The following ZFHX2 variants were observed in gnomAD, a reference collection of about 807,000 sequenced individuals.
ZFHX2 encodes zinc finger homeobox 2, also known as zinc finger homeobox protein 2.
ZFHX2 carries 75 observed loss-of-function variants against 164.8 expected under a neutral mutation model. That is an observed-to-expected ratio of 0.46 (90% CI 0.38 to 0.55). ZFHX2 has a LOEUF of 0.55. ZFHX2 is among the 20% of genes least tolerant of loss of function. ZFHX2 has a pLI of 0.00. For synonymous variants in ZFHX2, 1,217 were observed against 1,351.4 expected (o/e 0.90, Z 2.18); for missense variants, 2,933 against 3,308.0 (o/e 0.89, Z 2.78).
In ZFHX2 at chr14:23,534,824, C is replaced by T. The variant is rs1296796377; in HGVS notation, c.502G>A (p.Ala168Thr). 6.5e-7 allele frequency: 1 copy of T among 1,536,090 alleles called. No individual in the cohort carries two copies. Among genetic ancestry groups the T allele is most frequent in the South Asian group, 1.2e-5 (1 of 84,052 alleles). ...TCAAAGCCATGTTGGATGTGAAGGGCAGTGAGGTGTGAGGGGGGTGGGTAG... is the reference window on the plus strand; with the variant it reads ...TCAAAGCCATGTTGGATGTGAAGGGTAGTGAGGTGTGAGGGGGGTGGGTAG... ...LAYPPPSHLT[A>T]LHIQHGFDPI... The change falls in exon 2 of 10, where the codon GCC (alanine) becomes ACC (threonine). Residue 168 changes from alanine (A) to threonine (T), a missense_variant. Coordinates refer to ENST00000419474, the MANE Select transcript of ZFHX2 (RefSeq NM_033400.3). The surrounding 1 kb of genome is among the most constrained non-coding windows in gnomAD (Gnocchi z 4.5).
At position 23,527,637 on chromosome 14, in the gene ZFHX2, C is replaced by G. The variant is rs1393137401; in HGVS notation, c.3102G>C (p.Val1034=). 1.3e-6 allele frequency: 2 copies of G among 1,536,512 alleles called. No homozygotes were observed. The highest frequency in any genetic ancestry group is 1.7e-6 in the Non-Finnish European group (2 of 1,146,972). The change falls in exon 7 of 10, where the codon GTG becomes GTC. Residue 1034 remains valine, a synonymous_variant. Transcript: ENST00000419474. ...LHFHLSHLHN[V]VPECVEKLLL... is the part of the protein sequence containing the mutation. ...GCAGCTTCTCAACGCACTCGGGCAC[C>G]ACGTTGTGAAGGTGGCTAAGGTGGA... is the stretch of plus-strand genomic sequence containing the variant.
rs1031763980 is a variant in ZFHX2 at position 23,535,546 on chromosome 14, C to A, written c.-49-172G>T. On this transcript the variant is annotated intron_variant, in intron 1 of 9. Coordinates refer to ENST00000419474, the MANE Select transcript of ZFHX2 (RefSeq NM_033400.3). This position sits in a 1 kb window ranked among gnomAD's most constrained non-coding sequence, Gnocchi z 4.5. ...TAACATGCTTCAAAACTTAATATGT[C>A]CAACATCAGAACTCTTCATTTTATT... is the stretch of plus-strand genomic sequence containing the variant. Among the ~76,000 whole-genome samples, 1 of 152,048 alleles carries A rather than the reference C, an allele frequency of 6.6e-6. No homozygotes were observed. Among genetic ancestry groups the A allele is most frequent in the African/African-American group, 2.4e-5 (1 of 41,404 alleles).
Position 23,533,060 on chromosome 14 carries a change from G to A in ZFHX2, c.2066C>T (p.Ala689Val). 1.3e-6 allele frequency: 2 copies of A among 1,532,484 alleles called. No individual in the cohort carries two copies. Among genetic ancestry groups the A allele is most frequent in the Non-Finnish European group, 1.7e-6 (2 of 1,144,544 alleles). 94.9% of individuals were successfully genotyped at this position (1,532,484 alleles called of 1,614,324 possible). ...CAGGAGCTGACTTGGAGGCAGGTGGGCATCAGGGGATAGGCTTCCAGGGGC... is the reference window on the plus strand; with the variant it reads ...CAGGAGCTGACTTGGAGGCAGGTGGACATCAGGGGATAGGCTTCCAGGGGC... ...TSAPGSLSPD[A>V]HLPPSQLLGS... Residue 689 changes from alanine (A) to valine (V), a missense_variant, in exon 3 of 10, where the codon GCC (alanine) becomes GTC (valine). By Grantham distance (64) the Ala-to-Val change is moderately conservative (BLOSUM62 0). Coordinates refer to ENST00000419474, the MANE Select transcript of ZFHX2 (RefSeq NM_033400.3). This position sits in a 1 kb window ranked among gnomAD's most constrained non-coding sequence, Gnocchi z 4.8.
rs1297424152 is a variant in ZFHX2 at position 23,534,375 on chromosome 14, A to G, written c.951T>C (p.Asn317=). The G allele has an allele frequency of 6.5e-7, 1 of 1,536,776 alleles. No homozygotes were observed. The highest frequency in any genetic ancestry group is 8.7e-7 in the Non-Finnish European group (1 of 1,147,012). Residue 317 remains asparagine, a synonymous_variant, in exon 2 of 10, where the codon AAT becomes AAC. Transcript: ENST00000419474. The surrounding 1 kb of genome is among the most constrained non-coding windows in gnomAD (Gnocchi z 4.5). ...DNSSTVNMEA[N]VAQTEDGPPE... ...GGGGGCCATCCTCTGTCTGGGCCACATTCGCCTCCATGTTCACTGTGCTGC... is the reference window on the plus strand; with the variant it reads ...GGGGGCCATCCTCTGTCTGGGCCACGTTCGCCTCCATGTTCACTGTGCTGC...
At chr14:23,555,585 C>G (rs1009538184), upstream of ZFHX2, 3 of 152,224 alleles carry the variant, frequency 2.0e-5, no homozygotes, top group Non-Finnish European at 4.4e-5. Flanking sequence ...CTCACCCACT[C>G]TTACCCTCAA....
chr14:23,527,706 G>A lies in ZFHX2; in HGVS notation c.3033C>T (p.Cys1011=). The A allele has an allele frequency of 6.5e-7, 1 of 1,536,218 alleles. No individual in the cohort carries two copies. Among genetic ancestry groups the A allele is most frequent in the South Asian group, 1.2e-5 (1 of 84,068 alleles). Reference sequence around the variant, plus strand: ...CCACCAGCTGTTCCTGGCACAGTGGGCATCTGTACTTGGGCTGCACTGCAT... The same window carrying A: ...CCACCAGCTGTTCCTGGCACAGTGGACATCTGTACTTGGGCTGCACTGCAT... The part of the protein sequence containing the change: ...SQHAVQPKYR[C]PLCQEQLVGR... Residue 1011 remains cysteine, a synonymous_variant, in exon 7 of 10, where the codon TGC becomes TGT. Transcript: ENST00000419474.
At position 23,533,203 on chromosome 14, in the gene ZFHX2, G is replaced by C; in HGVS notation, c.2041+82C>G. On this transcript the variant is annotated intron_variant, in intron 2 of 9. Transcript: ENST00000419474. The surrounding 1 kb of genome is among the most constrained non-coding windows in gnomAD (Gnocchi z 4.8). ...CAGAGGGACTTATGGTTACCTAAGTGGGGAGTTGGTCCTTGGGAGAAAGCA... is the reference window on the plus strand; with the variant it reads ...CAGAGGGACTTATGGTTACCTAAGTCGGGAGTTGGTCCTTGGGAGAAAGCA... The C allele has an allele frequency of 7.7e-6, 11 of 1,435,844 alleles. No homozygotes were observed. The highest frequency in any genetic ancestry group is 1.0e-5 in the Non-Finnish European group (11 of 1,099,186). 88.9% of individuals were successfully genotyped at this position (1,435,844 alleles called of 1,614,324 possible).
Position 23,534,436 on chromosome 14 carries a change from G to A in ZFHX2, c.890C>T (p.Pro297Leu). ...ALISFLEPKL[P>L]ARPSSDIPLD... ...GGGTATGTCAGAAGAGGGGCGAGCA[G>A]GGAGTTTTGGCTCCAGAAAGCTTAT... is the stretch of plus-strand genomic sequence containing the variant. Residue 297 changes from proline (P) to leucine (L), a missense_variant, in exon 2 of 10, where the codon CCT becomes CTT. Pro to Leu is a moderately conservative substitution (Grantham distance 98). Transcript: ENST00000419474. The surrounding 1 kb of genome is among the most constrained non-coding windows in gnomAD (Gnocchi z 4.5). The A allele has an allele frequency of 2.0e-6, 3 of 1,536,646 alleles. No homozygotes were observed. The highest frequency in any genetic ancestry group is 2.6e-6 in the Non-Finnish European group (3 of 1,147,020).
intron 1 of ZFHX2, among the ~76,000 whole-genome samples, chr14:23,536,335 C>T (rs746609884): frequency 2.0e-5 from 3 of 152,178 alleles, no homozygotes; most frequent in Non-Finnish European, 2.9e-5. Flanking sequence ...ATTTTCCATA[C>T]CCTGACGAGG....
rs1878242018 is a variant in ZFHX2, at chr14:23,523,053, C to A, written c.6740-112G>T. On this transcript the variant is annotated intron_variant, in intron 9 of 9. Transcript: ENST00000419474. The surrounding 1 kb of genome is among the most constrained non-coding windows in gnomAD (Gnocchi z 4.1). ...CCGTTCCCAGCACCGGATTTCCATGCCCCTTCCCTCCCTTCTTTCCCCCAA... is the reference window on the plus strand; with the variant it reads ...CCGTTCCCAGCACCGGATTTCCATGACCCTTCCCTCCCTTCTTTCCCCCAA... 9 of 1,406,336 alleles carry A rather than the reference C, an allele frequency of 6.4e-6. No individual in the cohort carries two copies. In the South Asian group the frequency reaches 1.3e-4, roughly 21 times the overall value. 87.1% of individuals were successfully genotyped at this position (1,406,336 alleles called of 1,614,324 possible). A position where few individuals can be genotyped will look rare whatever the true frequency, so the allele number is the denominator to read the frequency against.
Position 23,531,510 on chromosome 14 carries a change from C to T in ZFHX2, c.2771G>A (p.Ser924Asn). Reference protein sequence around the residue: ...EGLAALQSILSFSHGQLRTPG... With the variant: ...EGLAALQSILNFSHGQLRTPG... ...AGTCCGGAGCTGCCCGTGGCTGAAG[C>T]TCAGGATGCTCTGAAGAGCTGCGAG... The change falls in exon 4 of 10, where the codon AGC becomes AAC. Residue 924 changes from serine (S) to asparagine (N), a missense_variant. By Grantham distance (46) the Ser-to-Asn change is conservative. Transcript: ENST00000419474. The T allele has an allele frequency of 6.1e-6, 9 of 1,465,584 alleles. No homozygotes were observed. Among genetic ancestry groups the T allele is most frequent in the Non-Finnish European group, 7.2e-6 (8 of 1,104,862 alleles). 90.8% of individuals were successfully genotyped at this position (1,465,584 alleles called of 1,614,324 possible). A position where few individuals can be genotyped will look rare whatever the true frequency, so the allele number is the denominator to read the frequency against.
intron 6 of ZFHX2, 123 bp from the exon 7 acceptor site, chr14:23,527,927 G>A (rs1406118415): frequency 3.6e-5 from 23 of 643,066 alleles, no homozygotes; most frequent in Admixed American, 7.0e-5. Context: ...TTTTTTTTTA[G>A]ATGGAGTCTG....
In ZFHX2 at chr14:23,526,560, A is replaced by G. The variant is rs1878737135; in HGVS notation, c.3382T>C (p.Ser1128Pro). The change falls in exon 9 of 10, where the codon TCT (serine) becomes CCT (proline). Residue 1128 changes from serine to proline, a missense_variant. Transcript: ENST00000419474. The part of the protein sequence containing the change: ...SPGQPPSPAP[S>P]PVPEPDAQAE... ...TGGGCATCAGGTTCAGGGACTGGAG[A>G]TGGGGCTGGAGAAGGGGGTTGGCCA... 6.5e-7 allele frequency: 1 copy of G among 1,535,514 alleles called. No homozygotes were observed. Among genetic ancestry groups the G allele is most frequent in the Admixed American group, 2.0e-5 (1 of 50,906 alleles).
intron 1 of ZFHX2, among the ~76,000 whole-genome samples, chr14:23,547,774 C>T (rs1472667401): frequency 6.6e-6 from 1 of 152,212 alleles, no homozygotes; most frequent in African/African-American, 2.4e-5. Context: ...CCCAGCCTCT[C>T]CCTACTAATT....
rs1359450256 is a variant in ZFHX2 at position 23,525,564 on chromosome 14, G to A, written c.4378C>T (p.Gln1460Ter). 1 of 1,535,614 alleles carries A rather than the reference G, an allele frequency of 6.5e-7. No homozygotes were observed. The highest frequency in any genetic ancestry group is 2.0e-5 in the Admixed American group (1 of 51,004). The change falls in exon 9 of 10, where the codon CAA becomes TAA. Residue 1460 changes from glutamine (Q) to a stop codon, truncating the protein, a stop_gained. Coordinates refer to ENST00000419474, the MANE Select transcript of ZFHX2 (RefSeq NM_033400.3). LOFTEE classifies it high-confidence loss of function. This position sits in a 1 kb window ranked among gnomAD's most constrained non-coding sequence, Gnocchi z 5.9. ...GGGGTAGGGGGAGGGGGCACAGCTT[G>A]CTTCCCTTCATTGTACTGGATCACC... ...ELVIQYNEGK[Q>*]AVPPPPTPPP...
chr14:23,522,713 G>A lies in ZFHX2; in HGVS notation c.6968C>T (p.Ser2323Phe), dbSNP rs1398312293. The A allele has an allele frequency of 6.5e-7, 1 of 1,536,536 alleles. No homozygotes were observed. Among genetic ancestry groups the A allele is most frequent in the East Asian group, 2.4e-5 (1 of 40,916 alleles). The change falls in exon 10 of 10, where the codon TCC (serine) becomes TTC (phenylalanine). Residue 2323 changes from serine (S) to phenylalanine (F), a missense_variant. Physicochemically the swap from Ser to Phe is radical, Grantham distance 155 (BLOSUM62 -2). Transcript: ENST00000419474. ...TTTGAGGTTCTTGAGGGCATCATTG[G>A]AGGAGCTGGTGGGGCCTGCAACTGG... ...RKPVAGPTSS[S>F]NDALKNLKAL...
intron 4 of ZFHX2, chr14:23,530,904 C>A: frequency 4.6e-6 from 1 of 218,212 alleles, no homozygotes; most frequent in Non-Finnish European, 9.1e-6. Context: ...CCCTTGCAGG[C>A]TCTTCTCCTG....
chr14:23,529,697 C>T lies in ZFHX2; in HGVS notation c.2934+13G>A, dbSNP rs775823981. ...CCCCCACTTCAGCTCTTCCCAGTTA[C>T]CCCAATTCTGACCGTGGTCTGGTTG... is the stretch of plus-strand genomic sequence containing the variant. On this transcript the variant is annotated intron_variant, in intron 6 of 9. Coordinates refer to ENST00000419474, the MANE Select transcript of ZFHX2 (RefSeq NM_033400.3). 89 of 1,535,768 alleles carry T rather than the reference C, an allele frequency of 5.8e-5. No homozygotes were observed. In the Middle Eastern group the frequency reaches 8.3e-4, roughly 14 times the overall value.
At chr14:23,555,153 C>T (rs1199506491), upstream of ZFHX2, among the ~76,000 whole-genome samples, 1 of 151,984 alleles carries the variant, frequency 6.6e-6, no homozygotes, top group Non-Finnish European at 1.5e-5. Flanking sequence ...ATGCCCGGCT[C>T]ATTTTTGCAT....
Sources: gnomAD v4.1 joint callset for allele counts (sites outside exome capture counted in the v4.1 genomes callset) on GRCh38, gnomAD v4.1.1 for gene constraint, Gnocchi (gnomAD v3.1) non-coding constraint, MANE v1.5 for transcripts, NCBI Gene and HGNC (gene_info 2026-07-23, HGNC 2026-07-21) for gene names.